MALRD1: variants seen among roughly 807,000 people sequenced by gnomAD.
The protein encoded by MALRD1 is MAM and LDL-receptor class A domain-containing protein 1.
A neutral mutation model predicts 242.1 loss-of-function variants in MALRD1; 247 were observed. The observed-to-expected ratio is 1.02, with a 90% CI of 0.92 to 1.13. MALRD1 has a LOEUF of 1.13. MALRD1 is among the 50% of genes most tolerant of loss of function. The pLI is 0.00. For missense variants in MALRD1, 2,989 were observed against 2,533.1 expected, an observed-to-expected ratio of 1.18 and a Z score of -3.86; for synonymous variants, 995 against 866.6, an observed-to-expected ratio of 1.15 and a Z score of -2.60.
intron 28 of MALRD1, among the ~76,000 whole-genome samples, chr10:19,403,910 A>T (rs1163442185): frequency 6.6e-6 from 1 of 152,110 alleles, no homozygotes; most frequent in Non-Finnish European, 1.5e-5. Context: ...TCGGAGCTGA[A>T]TTTTCTTGGT....
chr10:19,631,938 T>C (rs1034914473), intron 36 of MALRD1, among the ~76,000 whole-genome samples: 1 of 152,224 alleles, frequency 6.6e-6, no homozygotes, highest in Admixed American at 6.5e-5. Flanking sequence ...GTAGGATGTT[T>C]GTTTACTCTG....
intron 33 of MALRD1, among the ~76,000 whole-genome samples, chr10:19,573,450 G>A (rs1258343688): frequency 6.6e-6 from 1 of 152,158 alleles, no homozygotes; most frequent in Non-Finnish European, 1.5e-5. Flanking sequence ...GAAGCCCAGT[G>A]GAGCAGAGAC....
intron 29 of MALRD1, among the ~76,000 whole-genome samples, chr10:19,486,878 T>C (rs190401272): frequency 6.6e-6 from 1 of 152,292 alleles, no homozygotes; most frequent in East Asian, 1.9e-4. Context: ...TCAATTGATG[T>C]CACTTTCATG....
chr10:19,057,575 G>T (rs1834705291), intron 1 of MALRD1, among the ~76,000 whole-genome samples: 1 of 152,064 alleles, frequency 6.6e-6, no homozygotes, highest in South Asian at 2.1e-4. Flanking sequence ...ATGTATGCAA[G>T]AAATCTAAAA....
In MALRD1 at chr10:19,730,713, G is replaced by A. The variant is rs778082558; in HGVS notation, c.6322G>A (p.Glu2108Lys). ...ANRKVPIRKT[E>K]GSGNCAFVNP... is the part of the protein sequence containing the mutation. The stretch of plus-strand genomic sequence containing the variant: ...GGCCCTGTGTGCTTTAAGGAAAACC[G>A]AGGGAAGTGGTAACTGTGCCTTTGT... Residue 2108 changes from glutamate (E) to lysine (K), a missense_variant, in exon 39 of 40, where the codon GAG (glutamate) becomes AAG (lysine). Glu to Lys is a moderately conservative substitution (Grantham distance 56, BLOSUM62 1). Coordinates refer to ENST00000454679, the MANE Select transcript of MALRD1 (RefSeq NM_001142308.3). 7.8e-6 allele frequency: 12 copies of A among 1,536,436 alleles called. No individual in the cohort carries two copies. Among genetic ancestry groups the A allele is most frequent in the Middle Eastern group, 1.7e-4 (1 of 6,016 alleles).
Position 19,272,900 on chromosome 10 carries a change from A to G in MALRD1, c.3080-7147A>G, listed in dbSNP as rs1388600297. ...GGCTGCATAGTATTCCATGGTGTAT[A>G]TGTGCCACATTTTCTTTATCCAGTC... On this transcript the variant is annotated intron_variant, in intron 19 of 39. Transcript: ENST00000454679. Among the ~76,000 whole-genome samples, 3 of 152,254 alleles carry G rather than the reference A, an allele frequency of 2.0e-5. No individual in the cohort carries two copies. The East Asian group carries it at 5.8e-4, about 29-fold the overall frequency.
chr10:19,329,381 T>G (rs530250466), intron 23 of MALRD1, among the ~76,000 whole-genome samples: 1 of 150,816 alleles, frequency 6.6e-6, no homozygotes, highest in African/African-American at 2.4e-5. Flanking sequence ...TGCTGAAGCA[T>G]CACTGGGAAG....
chr10:19,574,080 C>G (rs574819239), intron 33 of MALRD1, among the ~76,000 whole-genome samples: 1 of 152,240 alleles, frequency 6.6e-6, no homozygotes, highest in African/African-American at 2.4e-5. Flanking sequence ...GAATAAAATT[C>G]TTAAGAAAGT....
At chr10:19,585,074 T>G (rs377379856) in intron 33 of MALRD1, among the ~76,000 whole-genome samples, 2 of 152,054 alleles carry the variant, frequency 1.3e-5, no homozygotes, top group African/African-American at 4.8e-5. Flanking sequence ...TTTCCATTTG[T>G]TTGGTAGATC....
intron 29 of MALRD1, among the ~76,000 whole-genome samples, chr10:19,482,124 G>A (rs1244373526): frequency 6.6e-6 from 1 of 151,826 alleles, no homozygotes; most frequent in East Asian, 1.9e-4. Context: ...CACATTAAAT[G>A]ACTTATCAAA....
intron 10 of MALRD1, among the ~76,000 whole-genome samples, chr10:19,139,014 A>G (rs1833451961): frequency 6.6e-6 from 1 of 152,222 alleles, no homozygotes; most frequent in South Asian, 2.1e-4. Flanking sequence ...TTGTCCAAAG[A>G]AAACCTGTCA....
At chr10:19,302,552 A>G (rs1019150983) in intron 21 of MALRD1, among the ~76,000 whole-genome samples, 7 of 151,798 alleles carry the variant, frequency 4.6e-5, no homozygotes, top group Non-Finnish European at 8.8e-5. Flanking sequence ...ATGTATTTTT[A>G]TTGCATTGAT....
At chr10:19,238,969 G>A (rs1402788051) in intron 18 of MALRD1, among the ~76,000 whole-genome samples, 1 of 151,414 alleles carries the variant, frequency 6.6e-6, no homozygotes, top group Admixed American at 6.6e-5. Flanking sequence ...TTCCCTGATG[G>A]TTAGTGATGT....
chr10:19,288,644 C>T (rs189951549), intron 21 of MALRD1, among the ~76,000 whole-genome samples: 2 of 152,152 alleles, frequency 1.3e-5, no homozygotes, highest in Admixed American at 1.3e-4. Flanking sequence ...TAGTATCTTT[C>T]CCCTGTTTTG....
rs761868021 is a variant in MALRD1, at chr10:19,175,340, C to G, written c.1951+12C>G. 1 of 1,228,312 alleles carries G rather than the reference C, an allele frequency of 8.1e-7. No homozygotes were observed. Among genetic ancestry groups the G allele is most frequent in the Non-Finnish European group, 1.0e-6 (1 of 985,976 alleles). 76.1% of individuals were successfully genotyped at this position (1,228,312 alleles called of 1,614,324 possible). A position where few individuals can be genotyped will look rare whatever the true frequency, so the allele number is the denominator to read the frequency against. On this transcript the variant is annotated intron_variant, in intron 14 of 39. Transcript: ENST00000454679. ...TACACAAAGCAAGTGTAAGTTTTTC[C>G]TTGTCGTTGTTGCTGTTTTAAACAT...
chr10:19,202,004 C>CG (rs926519947), intron 14 of MALRD1, among the ~76,000 whole-genome samples: 24 of 151,874 alleles, frequency 1.6e-4, no homozygotes, highest in African/African-American at 5.6e-4. Flanking sequence ...TTAGTAGAGA[C>CG]GGGGTTTCAC....
chr10:19,348,051 A>C (rs1334682417), intron 25 of MALRD1, 33 bp downstream of exon 25: 3 of 1,540,552 alleles, frequency 1.9e-6, no homozygotes, highest in Non-Finnish European at 1.8e-6. Flanking sequence ...CAACCAAACA[A>C]ACACAGAATT....
rs149733337 is a variant in MALRD1, at chr10:19,059,826, C to T, written c.200-6893C>T. Among the ~76,000 whole-genome samples the T allele has an allele frequency of 2.5e-3, 373 of 152,168 alleles. 1 individual carries two copies. Among genetic ancestry groups the T allele is most frequent in the African/African-American group, 8.5e-3 (354 of 41,508 alleles). ...ATATTAGGCATATATGCGATGTAAGCGGATTCATTTTCTTTCTTTCTCATT... is the reference window on the plus strand; with the variant it reads ...ATATTAGGCATATATGCGATGTAAGTGGATTCATTTTCTTTCTTTCTCATT... On this transcript the variant is annotated intron_variant, in intron 1 of 39. Coordinates refer to ENST00000454679, the MANE Select transcript of MALRD1 (RefSeq NM_001142308.3).
chr10:19,709,531 A>G lies in MALRD1; in HGVS notation c.6314+16977A>G, dbSNP rs770324841. ...TTTATGAGCCATTCACACCCACAAC[A>G]TAATGGGAAATAATAAATTATTTTA... On this transcript the variant is annotated intron_variant, in intron 38 of 39. Coordinates refer to ENST00000454679, the MANE Select transcript of MALRD1 (RefSeq NM_001142308.3). Among the ~76,000 whole-genome samples, 3 of 152,202 alleles carry G rather than the reference A, an allele frequency of 2.0e-5. No individual in the cohort carries two copies. In the East Asian group the frequency reaches 5.8e-4, roughly 29 times the overall value.
Sources: gnomAD v4.1 joint callset for allele counts (sites outside exome capture counted in the v4.1 genomes callset) on GRCh38, gnomAD v4.1.1 for gene constraint, MANE v1.5 for transcripts, NCBI Gene and HGNC (gene_info 2026-07-23, HGNC 2026-07-21) for gene names.